FSTL5: variants seen among roughly 807,000 people sequenced by gnomAD.
FSTL5 encodes follistatin-related protein 5.
In FSTL5, 62 loss-of-function variants were observed where a neutral mutation model predicts 89.1. The ratio of observed to expected loss-of-function variants is 0.70; its 90% CI spans 0.57 to 0.86. The LOEUF is 0.86. Among genes scored for constraint, FSTL5 ranks in the 40% least tolerant of loss-of-function variants. The pLI is 0.00. For synonymous variants in FSTL5, 383 were observed against 346.2 expected (o/e 1.11, Z -1.18); for missense variants, 1,057 against 1,001.6 (o/e 1.06, Z -0.75).
intron 15 of FSTL5, among the ~76,000 whole-genome samples, chr4:161,391,304 G>C (rs1730814879): frequency 6.6e-6 from 1 of 152,096 alleles, no homozygotes; most frequent in Non-Finnish European, 1.5e-5. Context: ...AAATAAGTGT[G>C]GGTCATATTA....
chr4:161,645,288 C>T (rs1009100648), intron 7 of FSTL5, among the ~76,000 whole-genome samples: 1 of 151,850 alleles, frequency 6.6e-6, no homozygotes. Flanking sequence ...TGTTAATATT[C>T]CTTATGAACA....
chr4:161,400,683 T>C (rs1731154312), intron 15 of FSTL5, among the ~76,000 whole-genome samples: 1 of 152,102 alleles, frequency 6.6e-6, no homozygotes, highest in Non-Finnish European at 1.5e-5. Context: ...ATAGAAACAT[T>C]GACAGTGTTA....
At chr4:162,026,549 C>A (rs1040760849) in intron 3 of FSTL5, among the ~76,000 whole-genome samples, 4 of 151,862 alleles carry the variant, frequency 2.6e-5, no homozygotes, top group African/African-American at 9.7e-5. Context: ...CTCAAGTGAT[C>A]CACCTGCCTT....
chr4:161,490,242 T>G (rs904395701), intron 12 of FSTL5, among the ~76,000 whole-genome samples: 4 of 152,130 alleles, frequency 2.6e-5, no homozygotes, highest in African/African-American at 9.7e-5. Context: ...AGATGGAACA[T>G]CCGATATAAT....
intron 2 of FSTL5, among the ~76,000 whole-genome samples, chr4:162,050,522 AAATT>A (rs1444032809): frequency 3.3e-5 from 5 of 150,284 alleles, no homozygotes; most frequent in Non-Finnish European, 7.4e-5. Context: ...TTTAATTAAT[AAATT>A]AAATAACAGT....
At chr4:161,395,837 A>T (rs1324265024) in intron 15 of FSTL5, among the ~76,000 whole-genome samples, 1 of 152,192 alleles carries the variant, frequency 6.6e-6, no homozygotes, top group Non-Finnish European at 1.5e-5. Context: ...GACTATTCAT[A>T]AAATCAGGAC....
At chr4:161,526,944 C>T (rs1295856090) in intron 10 of FSTL5, among the ~76,000 whole-genome samples, 6 of 151,900 alleles carry the variant, frequency 3.9e-5, no homozygotes, top group African/African-American at 1.5e-4. Context: ...TTTTTTGGTG[C>T]CATATGAACT....
At chr4:161,797,442 T>C (rs888625254) in intron 4 of FSTL5, among the ~76,000 whole-genome samples, 2 of 151,664 alleles carry the variant, frequency 1.3e-5, no homozygotes, top group African/African-American at 4.8e-5. Context: ...CATTTAATCT[T>C]CCTAGTTTGT....
At chr4:161,465,884 G>C (rs17041102) in intron 13 of FSTL5, among the ~76,000 whole-genome samples, 8,202 of 152,130 alleles carry the variant, frequency 0.054, 615 homozygotes, top group African/African-American at 0.17. Flanking sequence ...TCCCTCTTCT[G>C]CAGTTTTATT....
At chr4:162,124,925 A>C (rs1012895688) in intron 1 of FSTL5, among the ~76,000 whole-genome samples, 2 of 152,124 alleles carry the variant, frequency 1.3e-5, no homozygotes, top group Non-Finnish European at 2.9e-5. Context: ...GGATGGTCAC[A>C]ATCTCCTGAC....
intron 6 of FSTL5, among the ~76,000 whole-genome samples, chr4:161,713,319 G>A (rs1169247197): frequency 6.6e-6 from 1 of 152,140 alleles, no homozygotes; most frequent in Non-Finnish European, 1.5e-5. Flanking sequence ...AAACAATGGA[G>A]GTGTCTAGAA....
At chr4:161,833,631 T>G (rs896602264) in intron 4 of FSTL5, among the ~76,000 whole-genome samples, 1 of 152,106 alleles carries the variant, frequency 6.6e-6, no homozygotes, top group African/African-American at 2.4e-5. Context: ...TTTACCATTA[T>G]GTAATAGCCT....
chr4:161,701,714 C>T (rs1053283688), intron 6 of FSTL5, among the ~76,000 whole-genome samples: 2 of 151,854 alleles, frequency 1.3e-5, no homozygotes, highest in Non-Finnish European at 2.9e-5. Flanking sequence ...AAGACTTTGT[C>T]AAAAGTACAT....
intron 4 of FSTL5, among the ~76,000 whole-genome samples, chr4:161,794,581 T>C (rs919935998): frequency 2.6e-5 from 4 of 152,166 alleles, no homozygotes; most frequent in Non-Finnish European, 5.9e-5. Flanking sequence ...AGGGACAAAC[T>C]AGTCAGTGTC....
At chr4:161,454,956 T>C (rs535258137) in intron 15 of FSTL5, 48 bp downstream of exon 15, 19 of 1,559,384 alleles carry the variant, frequency 1.2e-5, no homozygotes, top group East Asian at 1.1e-4. Context: ...CTTTCTATTA[T>C]AATAGAGACA....
intron 2 of FSTL5, among the ~76,000 whole-genome samples, chr4:162,064,334 T>G (rs918648884): frequency 1.3e-5 from 2 of 152,048 alleles, no homozygotes; most frequent in African/African-American, 4.8e-5. Flanking sequence ...CATGCAGTGA[T>G]TCATTTTATG....
At position 161,401,378 on chromosome 4, in the gene FSTL5, A is replaced by G. The variant is rs151130266; in HGVS notation, c.1842-14929T>C. 1.8e-4 allele frequency among the ~76,000 whole-genome samples: 27 copies of G among 152,358 alleles called. 2 individuals carry two copies. In the East Asian group the frequency reaches 4.8e-3, roughly 27 times the overall value. On this transcript the variant is annotated intron_variant, in intron 15 of 15. Transcript: ENST00000306100. ...ATACTTATATTGTAAGTCTACCTCAATACTGTAATTTCATTGGTTTGGTTT... is the reference window on the plus strand; with the variant it reads ...ATACTTATATTGTAAGTCTACCTCAGTACTGTAATTTCATTGGTTTGGTTT...
intron 7 of FSTL5, among the ~76,000 whole-genome samples, chr4:161,650,975 A>G (rs1331611421): frequency 6.6e-6 from 1 of 152,130 alleles, no homozygotes; most frequent in African/African-American, 2.4e-5. Flanking sequence ...TAACACATCC[A>G]AAACAGTTCC....
intron 1 of FSTL5, among the ~76,000 whole-genome samples, chr4:162,125,183 T>C (rs2111443565): frequency 6.6e-6 from 1 of 152,324 alleles, no homozygotes; most frequent in Non-Finnish European, 1.5e-5. Context: ...CATTTTATCT[T>C]ATAAAAATGA....
Sources: gnomAD v4.1 joint callset for allele counts (sites outside exome capture counted in the v4.1 genomes callset) on GRCh38, gnomAD v4.1.1 for gene constraint, MANE v1.5 for transcripts, NCBI Gene and HGNC (gene_info 2026-07-23, HGNC 2026-07-21) for gene names.